Variants in SGCZ observed in about 807,000 individuals in gnomAD.
SGCZ encodes zeta-sarcoglycan.
SGCZ carries 40 observed loss-of-function variants against 41.3 expected under a neutral mutation model. The ratio of observed to expected loss-of-function variants is 0.97; its 90% CI spans 0.75 to 1.26. The LOEUF (loss-of-function observed/expected upper bound fraction) is 1.26, where lower values mean the gene tolerates loss of function less well. Among genes scored for constraint, SGCZ ranks in the 50% most tolerant of loss-of-function variants. The pLI is 0.00. For synonymous variants in SGCZ, 206 were observed against 137.5 expected (o/e 1.50, Z -3.49); for missense variants, 552 against 369.8 (o/e 1.49, Z -4.04).
intron 1 of SGCZ, among the ~76,000 whole-genome samples, chr8:14,647,347 TA>T: frequency 6.6e-6 from 1 of 152,152 alleles, no homozygotes; most frequent in East Asian, 1.9e-4. Context: ...AAATAGGCTT[TA>T]TTGTACAATA....
At chr8:14,337,354 G>A (rs952184786) in intron 2 of SGCZ, among the ~76,000 whole-genome samples, 12 of 152,220 alleles carry the variant, frequency 7.9e-5, no homozygotes, top group African/African-American at 2.9e-4. Flanking sequence ...GGAGTGACAA[G>A]CCCAATCAGC....
chr8:14,876,355 A>T (rs1804356561), intron 1 of SGCZ, among the ~76,000 whole-genome samples: 1 of 152,236 alleles, frequency 6.6e-6, no homozygotes. Context: ...AAAGCTGTGC[A>T]TAAGAAGACA....
chr8:15,105,811 T>C (rs754337728), intron 1 of SGCZ, among the ~76,000 whole-genome samples: 11 of 152,134 alleles, frequency 7.2e-5, no homozygotes, highest in Non-Finnish European at 1.6e-4. Flanking sequence ...GTTTCTATAA[T>C]TGAGTGCTGT....
chr8:14,440,249 T>TG (rs1259953319), intron 2 of SGCZ, among the ~76,000 whole-genome samples: 14 of 152,212 alleles, frequency 9.2e-5, no homozygotes, highest in Admixed American at 7.8e-4. Context: ...ATAAAAGAGC[T>TG]CTATTTGACT....
intron 1 of SGCZ, among the ~76,000 whole-genome samples, chr8:14,802,418 C>G (rs553262018): frequency 2.0e-5 from 3 of 152,284 alleles, no homozygotes; most frequent in Admixed American, 6.5e-5. Flanking sequence ...TTTAATTCAA[C>G]CCTTTAAAAA....
At chr8:14,950,670 C>T (rs998206741) in intron 1 of SGCZ, among the ~76,000 whole-genome samples, 2 of 151,884 alleles carry the variant, frequency 1.3e-5, no homozygotes, top group Non-Finnish European at 2.9e-5. Flanking sequence ...TCCAGAAATA[C>T]AGGCACTCAT....
intron 2 of SGCZ, among the ~76,000 whole-genome samples, chr8:14,551,572 A>AT (rs1563404849): frequency 6.4e-5 from 1 of 15,650 alleles, no homozygotes; most frequent in African/African-American, 4.6e-4. Context: ...TATATATAAT[A>AT]TATATATAAT....
At chr8:15,017,996 C>A (rs1048099038) in intron 1 of SGCZ, among the ~76,000 whole-genome samples, 1 of 152,192 alleles carries the variant, frequency 6.6e-6, no homozygotes, top group Admixed American at 6.5e-5. Flanking sequence ...TCCCAAGTCT[C>A]TGGAGTTACA....
intron 1 of SGCZ, among the ~76,000 whole-genome samples, chr8:15,056,716 G>A (rs1804720614): frequency 6.6e-6 from 1 of 152,156 alleles, no homozygotes; most frequent in Non-Finnish European, 1.5e-5. Flanking sequence ...GTATATGCAT[G>A]TTTAACTTGA....
chr8:14,905,781 T>C lies in SGCZ; in HGVS notation c.39+331804A>G, dbSNP rs111844476. 1.1e-4 allele frequency among the ~76,000 whole-genome samples: 16 copies of C among 151,622 alleles called. No individual in the cohort carries two copies. The East Asian group carries it at 1.7e-3, about 17-fold the overall frequency. On this transcript the variant is annotated intron_variant, in intron 1 of 7. Transcript: ENST00000382080. ...GCATAGACAGACACTCAATTAAACATTGAATGAGACAAAATAAGAAAAAAA... is the reference window on the plus strand; with the variant it reads ...GCATAGACAGACACTCAATTAAACACTGAATGAGACAAAATAAGAAAAAAA...
At chr8:14,821,019 T>C (rs1802062187) in intron 1 of SGCZ, among the ~76,000 whole-genome samples, 1 of 149,616 alleles carries the variant, frequency 6.7e-6, no homozygotes, top group Admixed American at 6.6e-5. Flanking sequence ...ATTCAAAAAA[T>C]GAAAAGATCA....
chr8:14,188,349 A>T (rs1804973532), intron 4 of SGCZ, among the ~76,000 whole-genome samples: 1 of 152,198 alleles, frequency 6.6e-6, no homozygotes, highest in Non-Finnish European at 1.5e-5. Flanking sequence ...CCGTACAGTA[A>T]AGTTTTATTT....
At chr8:14,559,943 TG>T (rs1206972116) in intron 1 of SGCZ, among the ~76,000 whole-genome samples, 1 of 152,142 alleles carries the variant, frequency 6.6e-6, no homozygotes, top group Admixed American at 6.6e-5. Context: ...CATTATGTTA[TG>T]TAACATAAGT....
chr8:15,213,377 T>G (rs557457529), intron 1 of SGCZ, among the ~76,000 whole-genome samples: 1 of 151,964 alleles, frequency 6.6e-6, no homozygotes, highest in Admixed American at 6.5e-5. Flanking sequence ...AGAAAAATAT[T>G]ACCTAAACTT....
chr8:14,383,465 C>T (rs762753873), intron 2 of SGCZ, among the ~76,000 whole-genome samples: 3 of 152,186 alleles, frequency 2.0e-5, no homozygotes, highest in Admixed American at 6.5e-5. Flanking sequence ...TAATTAGTTT[C>T]ATGCTTCAAA....
At chr8:14,435,081 G>A (rs1282061306) in intron 2 of SGCZ, among the ~76,000 whole-genome samples, 8 of 152,048 alleles carry the variant, frequency 5.3e-5, no homozygotes, top group Admixed American at 1.3e-4. Context: ...CCTCAAAGTC[G>A]ATATACTAGA....
At chr8:14,734,323 T>G (rs1008185763) in intron 1 of SGCZ, among the ~76,000 whole-genome samples, 2 of 152,080 alleles carry the variant, frequency 1.3e-5, no homozygotes, top group African/African-American at 4.8e-5. Context: ...TAAGAACACA[T>G]CATTGAATAA....
At chr8:14,098,254 T>A (rs1186818948) in intron 7 of SGCZ, among the ~76,000 whole-genome samples, 1 of 152,202 alleles carries the variant, frequency 6.6e-6, no homozygotes, top group African/African-American at 2.4e-5. Context: ...GTTACTTCTG[T>A]GTTAAGTGAC....
chr8:15,041,859 A>C (rs1804109250), intron 1 of SGCZ, among the ~76,000 whole-genome samples: 4 of 152,280 alleles, frequency 2.6e-5, no homozygotes, highest in Admixed American at 2.6e-4. Context: ...AGACAAAAGC[A>C]TTAGTCAATC....
Sources: allele counts gnomAD v4.1 joint callset (sites outside exome capture counted in the v4.1 genomes callset), GRCh38; gene constraint gnomAD v4.1.1; transcripts MANE v1.5; gene names NCBI Gene and HGNC (gene_info 2026-07-23, HGNC 2026-07-21).